Variants in ADAMTS9 observed in about 807,000 individuals in gnomAD.
ADAMTS9 encodes A disintegrin and metalloproteinase with thrombospondin motifs 9.
Under a neutral mutation model 257.1 loss-of-function variants are expected in ADAMTS9, and 107 were observed. The observed-to-expected ratio is 0.42, with a 90% confidence interval of 0.36 to 0.49. The LOEUF is 0.49. Among genes scored for constraint, ADAMTS9 ranks in the 20% least tolerant of loss-of-function variants. The pLI, the probability that ADAMTS9 is intolerant of heterozygous loss-of-function variation, is 0.03. For synonymous variants in ADAMTS9, 982 were observed against 880.9 expected, an observed-to-expected ratio of 1.11 and a Z score of -2.03; for missense variants, 2,353 against 2,469.1, an observed-to-expected ratio of 0.95 and a Z score of 1.00.
intron 30 of ADAMTS9, among the ~76,000 whole-genome samples, chr3:64,557,527 C>A (rs546676088): frequency 2.6e-5 from 4 of 152,098 alleles, no homozygotes; most frequent in Admixed American, 2.0e-4. Context: ...CTGAAGCTGG[C>A]GGGTGATATT....
chr3:64,665,002 C>A (rs1701317195), intron 3 of ADAMTS9, among the ~76,000 whole-genome samples: 1 of 152,066 alleles, frequency 6.6e-6, no homozygotes, highest in African/African-American at 2.4e-5. Context: ...TATGAAGAAC[C>A]TGGCCCAGCT....
intron 38 of ADAMTS9, among the ~76,000 whole-genome samples, chr3:64,531,905 C>T (rs1473974406): frequency 5.3e-5 from 8 of 152,168 alleles, no homozygotes; most frequent in Admixed American, 3.3e-4. Flanking sequence ...CATTTTTCCA[C>T]GAGCCGGGTT....
In ADAMTS9 at chr3:64,622,308, A is replaced by G; in HGVS notation, c.2576T>C (p.Leu859Ser). 1 of 1,613,794 alleles carries G rather than the reference A, an allele frequency of 6.2e-7. No homozygotes were observed. The highest frequency in any genetic ancestry group is 8.5e-7 in the Non-Finnish European group (1 of 1,179,926). ...LLLQVLSVGKLYNPDVRYSFN... is the reference protein window; with the variant it reads ...LLLQVLSVGKSYNPDVRYSFN... The stretch of plus-strand genomic sequence containing the variant: ...AGAATAGCGTACATCGGGGTTGTAC[A>G]ACTTTCCCACCGACAAAACCTAGAA... Residue 859 changes from leucine (L) to serine (S), a missense_variant, in exon 18 of 40, where the codon TTG (leucine) becomes TCG (serine). Around this residue, in one of 3 missense-constraint regions of ADAMTS9, gnomAD observed 1,402 missense variants for 1,441.4 expected, o/e 0.97. Transcript: ENST00000498707.
chr3:64,667,218 T>C (rs1054150828), intron 3 of ADAMTS9, among the ~76,000 whole-genome samples: 3 of 152,118 alleles, frequency 2.0e-5, no homozygotes, highest in African/African-American at 4.8e-5. Context: ...ATAAGATAGT[T>C]CCAAAAACAA....
At chr3:64,639,299 T>TTG (rs1700577848) in intron 12 of ADAMTS9, among the ~76,000 whole-genome samples, 2 of 144,214 alleles carry the variant, frequency 1.4e-5, no homozygotes, top group African/African-American at 5.2e-5. Context: ...GATTGTTTTT[T>TTG]TTTTTTTTTT....
At chr3:64,663,989 T>G (rs1190736788) in intron 3 of ADAMTS9, among the ~76,000 whole-genome samples, 18 of 152,172 alleles carry the variant, frequency 1.2e-4, no homozygotes, top group Admixed American at 1.2e-3. Context: ...TGCTTCTGAA[T>G]AGAGTTGTAA....
chr3:64,546,864 T>A lies in ADAMTS9; in HGVS notation c.4958A>T (p.Tyr1653Phe), dbSNP rs1476631356. The A allele has an allele frequency of 6.2e-7, 1 of 1,613,968 alleles. No homozygotes were observed. Among genetic ancestry groups the A allele is most frequent in the Non-Finnish European group, 8.5e-7 (1 of 1,180,000 alleles). ...GCCTGGGCAGTTGATGGTGGTTTGG[T>A]AGCTGTATTCATAATTCTCCTTCCC... ...YTGKENYEYS[Y>F]QTTINCPGTQ... The change falls in exon 32 of 40, where the codon TAC (tyrosine) becomes TTC (phenylalanine). Residue 1653 changes from tyrosine (Y) to phenylalanine (F), a missense_variant. Tyr to Phe is a conservative substitution (Grantham distance 22, BLOSUM62 3). Coordinates refer to ENST00000498707, the MANE Select transcript of ADAMTS9 (RefSeq NM_182920.2).
Position 64,621,150 on chromosome 3 carries a change from T to A in ADAMTS9, c.2777A>T (p.His926Leu), listed in dbSNP as rs201176309. 1.9e-6 allele frequency: 3 copies of A among 1,613,792 alleles called. No individual in the cohort carries two copies. The highest frequency in any genetic ancestry group is 2.2e-5 in the South Asian group (2 of 91,080). ...GTCTGTACCACAGGGTTCAGTAATGTGTCCAGGCTGGGGCAGCCGATCGCA... is the reference window on the plus strand; with the variant it reads ...GTCTGTACCACAGGGTTCAGTAATGAGTCCAGGCTGGGGCAGCCGATCGCA... ...QRCDRLPQPG[H>L]ITEPCGTDCD... Residue 926 changes from histidine to leucine, a missense_variant, in exon 19 of 40, where the codon CAC becomes CTC. This residue lies in a region of ADAMTS9 where 1,402 missense variants were observed against 1,441.4 expected (regional missense o/e 0.97). Transcript: ENST00000498707.
At chr3:64,553,414 T>G (rs992173429) in intron 30 of ADAMTS9, among the ~76,000 whole-genome samples, 4 of 152,256 alleles carry the variant, frequency 2.6e-5, no homozygotes, top group Admixed American at 2.6e-4. Flanking sequence ...AAGATTCTGT[T>G]GTACGGATAT....
At chr3:64,580,442 C>T (rs1005259509) in intron 28 of ADAMTS9, among the ~76,000 whole-genome samples, 4 of 152,174 alleles carry the variant, frequency 2.6e-5, no homozygotes, top group Admixed American at 6.5e-5. Flanking sequence ...CCAGTCCCCA[C>T]GAAGTCTAAC....
chr3:64,611,462 T>C (rs1028595293), intron 22 of ADAMTS9, among the ~76,000 whole-genome samples: 3 of 152,160 alleles, frequency 2.0e-5, no homozygotes, highest in African/African-American at 7.2e-5. Flanking sequence ...AGACTGGTGG[T>C]TGCCAGGGAC....
intron 23 of ADAMTS9, among the ~76,000 whole-genome samples, 182 bp downstream of exon 23, chr3:64,606,778 C>A (rs1001723043): frequency 2.0e-5 from 3 of 152,134 alleles, no homozygotes; most frequent in East Asian, 3.8e-4. Context: ...CAGAGAAGAA[C>A]AAAACTGACA....
intron 29 of ADAMTS9, among the ~76,000 whole-genome samples, chr3:64,564,744 G>A (rs1181477242): frequency 1.3e-5 from 2 of 151,034 alleles, no homozygotes; most frequent in African/African-American, 4.9e-5. Flanking sequence ...ATTCCCAAAT[G>A]TCCCATGGGG....
At chr3:64,621,668 A>C (rs1420233470) in intron 18 of ADAMTS9, among the ~76,000 whole-genome samples, 1 of 152,024 alleles carries the variant, frequency 6.6e-6, no homozygotes, top group Non-Finnish European at 1.5e-5. Flanking sequence ...AGACTGAGGC[A>C]TGAGAATTGC....
intron 31 of ADAMTS9, 117 bp downstream of exon 31, chr3:64,550,775 C>G: frequency 7.7e-7 from 1 of 1,304,358 alleles, no homozygotes; most frequent in Non-Finnish European, 1.1e-6. Context: ...TTCACAGTGG[C>G]AAATCGGGCG....
chr3:64,594,272 C>G lies in ADAMTS9; in HGVS notation c.4342G>C (p.Gly1448Arg), dbSNP rs1264234512. ...TAGGGCCGTACCGAGCTCCAAGGGCCAGTACTCCATGCAGCGTCGTGTGGA... is the reference window on the plus strand; with the variant it reads ...TAGGGCCGTACCGAGCTCCAAGGGCGAGTACTCCATGCAGCGTCGTGTGGA... Reference protein sequence around the residue: ...ACPHDAAWSTGPWSSCSVSCG... With the variant: ...ACPHDAAWSTRPWSSCSVSCG... The change falls in exon 28 of 40, where the codon GGC becomes CGC. Residue 1448 changes from glycine (G) to arginine (R), a missense_variant. This residue lies in a region of ADAMTS9 where 1,402 missense variants were observed against 1,441.4 expected (regional missense o/e 0.97). Coordinates refer to ENST00000498707, the MANE Select transcript of ADAMTS9 (RefSeq NM_182920.2). 5 of 1,613,728 alleles carry G rather than the reference C, an allele frequency of 3.1e-6. No individual in the cohort carries two copies. The highest frequency in any genetic ancestry group is 4.2e-6 in the Non-Finnish European group (5 of 1,179,806).
intron 2 of ADAMTS9, among the ~76,000 whole-genome samples, chr3:64,685,671 C>G (rs1316962385): frequency 1.3e-5 from 2 of 152,208 alleles, no homozygotes; most frequent in African/African-American, 4.8e-5. Flanking sequence ...CGTGGATTCC[C>G]TGCTAAATGC....
chr3:64,613,355 G>T lies in ADAMTS9; in HGVS notation c.3344C>A (p.Pro1115His), dbSNP rs1396633140. ...TATCGTTCAAAATACCTGTCCCCAG[G>T]GACCCGCCTGCCAGGATGCACATTC... ...QPECASWQAG[P>H]WGQCSVTCGQ... The change falls in exon 22 of 40, where the codon CCC becomes CAC. Residue 1115 changes from proline (P) to histidine (H), a missense_variant. Around this residue, in one of 3 missense-constraint regions of ADAMTS9, gnomAD observed 1,402 missense variants for 1,441.4 expected, o/e 0.97. Transcript: ENST00000498707. 34 of 1,613,410 alleles carry T rather than the reference G, an allele frequency of 2.1e-5. No homozygotes were observed. The highest frequency in any genetic ancestry group is 2.8e-5 in the Non-Finnish European group (33 of 1,179,722).
At chr3:64,594,853 C>T (rs891980403) in intron 27 of ADAMTS9, among the ~76,000 whole-genome samples, 2 of 152,132 alleles carry the variant, frequency 1.3e-5, no homozygotes, top group African/African-American at 2.4e-5. Context: ...GTGGCACGAT[C>T]TCGGCTCACT....
Sources: allele counts gnomAD v4.1 joint callset (sites outside exome capture counted in the v4.1 genomes callset), GRCh38; gene constraint gnomAD v4.1.1; regional missense constraint gnomAD v4.1.1; transcripts MANE v1.5; gene names NCBI Gene and HGNC (gene_info 2026-07-23, HGNC 2026-07-21).